MASP2: variants seen among roughly 807,000 people sequenced by gnomAD.
MASP2 encodes the protein mannan-binding lectin serine protease 2.
In MASP2, 49 loss-of-function variants were observed where a neutral mutation model predicts 57.1. The ratio of observed to expected loss-of-function variants is 0.86; its 90% confidence interval spans 0.68 to 1.09. The LOEUF is 1.09. MASP2 is among the 50% of genes least tolerant of loss of function. The probability of loss-of-function intolerance (pLI) is 0.00; values close to 1 mark genes in which losing one functional copy is unlikely to be tolerated. For missense variants in MASP2, 900 were observed against 874.8 expected (o/e 1.03, Z -0.36); for synonymous variants, 379 against 340.8 (o/e 1.11, Z -1.24).
At chr1:11,044,476 C>T (rs1019732589) in intron 4 of MASP2, among the ~76,000 whole-genome samples, 1 of 152,130 alleles carries the variant, frequency 6.6e-6, no homozygotes, top group Non-Finnish European at 1.5e-5. Flanking sequence ...CCTGGATTTG[C>T]GGGGGACCAG....
At position 11,026,569 on chromosome 1, in the gene MASP2, C is replaced by T. The variant is rs560580205; in HGVS notation, c.*316G>A. ...ACAAAGAGCATGGACAGGCAGTTTACAGAAATGCCAACAGCCAGTATGAAA... is the reference window on the plus strand; with the variant it reads ...ACAAAGAGCATGGACAGGCAGTTTATAGAAATGCCAACAGCCAGTATGAAA... On this transcript the variant is annotated 3_prime_UTR_variant, in exon 11 of 11. Coordinates refer to ENST00000400897, the MANE Select transcript of MASP2 (RefSeq NM_006610.4). The T allele has an allele frequency of 1.5e-5, 3 of 206,500 alleles. No individual in the cohort carries two copies. The highest frequency in any genetic ancestry group is 1.9e-5 in the Non-Finnish European group (2 of 104,760). 12.8% of individuals were successfully genotyped at this position (206,500 alleles called of 1,614,324 possible). A position where few individuals can be genotyped will look rare whatever the true frequency, so the allele number is the denominator to read the frequency against.
chr1:11,035,446 G>C (rs1488658280), intron 7 of MASP2, among the ~76,000 whole-genome samples: 1 of 152,082 alleles, frequency 6.6e-6, no homozygotes, highest in Non-Finnish European at 1.5e-5. Context: ...AGAATTGCTT[G>C]AACCTGTGAG....
rs1269710586 is a variant in MASP2, at chr1:11,030,166, T to G, written c.1297+10A>C. The G allele has an allele frequency of 6.2e-7, 1 of 1,600,784 alleles. No homozygotes were observed. On this transcript the variant is annotated intron_variant, in intron 10 of 10. Transcript: ENST00000400897. Reference sequence around the variant, plus strand: ...CAATTACCAGTCTCTTGTATAAATGTATCCATTACCAGGCTCACAGACTGG... The same window carrying G: ...CAATTACCAGTCTCTTGTATAAATGGATCCATTACCAGGCTCACAGACTGG...
rs748760302 is a variant in MASP2, at chr1:11,043,454, G to A, written c.626C>T (p.Ser209Phe). 12 of 1,611,090 alleles carry A rather than the reference G, an allele frequency of 7.4e-6. No homozygotes were observed. The South Asian group carries it at 1.3e-4, about 18-fold the overall frequency. Residue 209 changes from serine (S) to phenylalanine (F), a missense_variant, in exon 5 of 11, where the codon TCC becomes TTC. Ser to Phe is a radical substitution (Grantham distance 155, BLOSUM62 -2). Coordinates refer to ENST00000400897, the MANE Select transcript of MASP2 (RefSeq NM_006610.4). Reference sequence around the variant, plus strand: ...CAGGCTGATGCTGTAAGTGCAACTGGAGAGTTTGGGATACGGCCGTGGGTA... The same window carrying A: ...CAGGCTGATGCTGTAAGTGCAACTGAAGAGTTTGGGATACGGCCGTGGGTA... ...PEYPRPYPKL[S>F]SCTYSISLEE...
At chr1:11,036,701 A>C (rs558003031) in intron 7 of MASP2, among the ~76,000 whole-genome samples, 2 of 137,732 alleles carry the variant, frequency 1.5e-5, no homozygotes, top group African/African-American at 5.5e-5. Flanking sequence ...CAATGTTATT[A>C]CTTTTTACCA....
Position 11,043,563 on chromosome 1 carries a change from C to G in MASP2, c.545-28G>C, listed in dbSNP as rs187907824. On this transcript the variant is annotated intron_variant, in intron 4 of 10. Coordinates refer to ENST00000400897, the MANE Select transcript of MASP2 (RefSeq NM_006610.4). The stretch of plus-strand genomic sequence containing the variant: ...GGAAGGAGGGAAGGCAGGGGAGTGA[C>G]TTGGCGTGCCCTCTATCAGCCCTCG... 42 of 1,530,002 alleles carry G rather than the reference C, an allele frequency of 2.7e-5. No homozygotes were observed. The South Asian group carries it at 4.6e-4, about 17-fold the overall frequency. 94.8% of individuals were successfully genotyped at this position (1,530,002 alleles called of 1,614,324 possible).
intron 4 of MASP2, chr1:11,044,766 A>ACCCAACCAC: frequency 1.0e-6 from 1 of 994,432 alleles, no homozygotes; most frequent in Non-Finnish European, 1.4e-6. Context: ...CCGCCTCCCG[A>ACCCAACCAC]CCCTCCCACC....
chr1:11,047,123 T>TGGGCA lies in MASP2; in HGVS notation c.6-9_6-5dup, dbSNP rs1638671270. The TGGGCA allele has an allele frequency of 6.5e-7, 1 of 1,549,526 alleles. No individual in the cohort carries two copies. The highest frequency in any genetic ancestry group is 1.4e-5 in the African/African-American group (1 of 73,134). On this transcript the variant is annotated splice_region_variant and splice_polypyrimidine_tract_variant and intron_variant, in intron 1 of 10. Coordinates refer to ENST00000400897, the MANE Select transcript of MASP2 (RefSeq NM_006610.4). The stretch of plus-strand genomic sequence containing the variant: ...AAGGCCCAGGAGGGTCAGCAGCCTA[T>TGGGCA]GGGCAGGGCAGGGGCGGTGAGGGCC...
intron 8 of MASP2, 58 bp from the exon 9 acceptor site, chr1:11,030,940 A>G: frequency 1.9e-6 from 3 of 1,576,216 alleles, no homozygotes; most frequent in South Asian, 1.2e-5. Context: ...TAACTTTCCA[A>G]AGGTCTGGAG....
intron 4 of MASP2, among the ~76,000 whole-genome samples, chr1:11,044,067 C>G (rs1314015522): frequency 6.6e-6 from 1 of 152,148 alleles, no homozygotes; most frequent in Non-Finnish European, 1.5e-5. Context: ...CAGTGATTCC[C>G]AAGTTTATTC....
chr1:11,046,011 G>A (rs951317375), intron 3 of MASP2: 31 of 191,780 alleles, frequency 1.6e-4, no homozygotes, highest in African/African-American at 6.8e-4. Context: ...CCCCTGCGTC[G>A]TTTTTGTTTT....
chr1:11,033,217 A>T (rs1316787681), intron 8 of MASP2, among the ~76,000 whole-genome samples: 1 of 152,100 alleles, frequency 6.6e-6, no homozygotes, highest in African/African-American at 2.4e-5. Context: ...AATCCCAGCT[A>T]CTAGGGAGGC....
intron 3 of MASP2, 29 bp from the exon 4 acceptor site, chr1:11,045,568 G>C (rs756093882): frequency 6.3e-7 from 1 of 1,588,138 alleles, no homozygotes; most frequent in Non-Finnish European, 8.5e-7. Context: ...CAGGCAGGCC[G>C]TCAGGAGGGA....
At chr1:11,027,779 A>G (rs1643765059) in intron 10 of MASP2, 131 bp from the exon 11 acceptor site, 3 of 836,146 alleles carry the variant, frequency 3.6e-6, no homozygotes, top group Non-Finnish European at 5.6e-6. Context: ...GTGGGTGACT[A>G]CCTATACAGG....
At position 11,030,304 on chromosome 1, in the gene MASP2, C is replaced by T. The variant is rs1417136315; in HGVS notation, c.1223-54G>A. The T allele has an allele frequency of 4.6e-6, 6 of 1,293,152 alleles. No individual in the cohort carries two copies. In the Admixed American group the frequency reaches 1.0e-4, roughly 22 times the overall value. 80.1% of individuals were successfully genotyped at this position (1,293,152 alleles called of 1,614,324 possible). On this transcript the variant is annotated intron_variant, in intron 9 of 10. Transcript: ENST00000400897. ...TTAACTGCATGTATAAGATGGTTGT[C>T]ATTTGCTTGAATACCCCCTTGAAAA... is the stretch of plus-strand genomic sequence containing the variant.
intron 7 of MASP2, among the ~76,000 whole-genome samples, chr1:11,036,535 A>AAC (rs1557670953): frequency 1.1e-4 from 16 of 139,504 alleles, no homozygotes; most frequent in South Asian, 4.5e-4. Context: ...AAAAAAAAAA[A>AAC]AACAAAAAAA....
chr1:11,041,356 G>A (rs61773665), intron 6 of MASP2, among the ~76,000 whole-genome samples: 116,595 of 145,448 alleles, frequency 0.8, 46,342 homozygotes, highest in East Asian at 0.86. Flanking sequence ...GGATAGATAG[G>A]TGTCTGGAAG....
Position 11,027,148 on chromosome 1 carries a change from C to T in MASP2, c.1798G>A (p.Ala600Thr), listed in dbSNP as rs768079326. The change falls in exon 11 of 11, where the codon GCT becomes ACT. Residue 600 changes from alanine (A) to threonine (T), a missense_variant. Ala to Thr is a moderately conservative substitution (Grantham distance 58). Coordinates refer to ENST00000400897, the MANE Select transcript of MASP2 (RefSeq NM_006610.4). ...IPIVDHQKCT[A>T]AYEKPPYPRG... ...GGATAGGGTGGCTTTTCATATGCAG[C>T]AGTACATTTTTGATGGTCAACAATC... is the stretch of plus-strand genomic sequence containing the variant. 6.2e-7 allele frequency: 1 copy of T among 1,613,784 alleles called. No homozygotes were observed. The highest frequency in any genetic ancestry group is 1.7e-5 in the Admixed American group (1 of 59,930).
chr1:11,041,422 G>GGATGGATA, intron 6 of MASP2, among the ~76,000 whole-genome samples: 1 of 149,060 alleles, frequency 6.7e-6, no homozygotes, highest in Non-Finnish European at 1.5e-5. Context: ...ATGGATGGAT[G>GGATGGATA]GATGGATGGA....
Sources: allele counts gnomAD v4.1 joint callset (sites outside exome capture counted in the v4.1 genomes callset), GRCh38; gene constraint gnomAD v4.1.1; transcripts MANE v1.5; gene names NCBI Gene and HGNC (gene_info 2026-07-23, HGNC 2026-07-21).